MAGI1: variants seen among roughly 807,000 people sequenced by gnomAD.
MAGI1 encodes the protein membrane-associated guanylate kinase, WW and PDZ domain-containing protein 1.
Under a neutral mutation model 139.9 loss-of-function variants are expected in MAGI1, and 58 were observed. The ratio of observed to expected loss-of-function variants is 0.41; its 90% CI spans 0.34 to 0.52. MAGI1 has a LOEUF of 0.52. Ranked by LOEUF, MAGI1 falls within the 20% of genes least tolerant of loss-of-function variation. The pLI is 0.12. For synonymous variants in MAGI1, 812 were observed against 737.9 expected, an observed-to-expected ratio of 1.10 and a Z score of -1.63; for missense variants, 1,874 against 1,901.6, an observed-to-expected ratio of 0.99 and a Z score of 0.27.
At chr3:65,766,985 C>T (rs554187169) in intron 1 of MAGI1, among the ~76,000 whole-genome samples, 9 of 152,234 alleles carry the variant, frequency 5.9e-5, no homozygotes, top group South Asian at 2.1e-4. Context: ...AACAAACTAC[C>T]GTCTTGGGCA....
chr3:65,820,524 T>G (rs2041890308), intron 1 of MAGI1, among the ~76,000 whole-genome samples: 1 of 152,122 alleles, frequency 6.6e-6, no homozygotes, highest in Non-Finnish European at 1.5e-5. Context: ...ACATTAGGCG[T>G]CCTTAATCTT....
intron 1 of MAGI1, among the ~76,000 whole-genome samples, chr3:65,675,565 G>A (rs149069125): frequency 7.2e-5 from 11 of 152,246 alleles, no homozygotes; most frequent in Admixed American, 3.9e-4. Flanking sequence ...GAATTCACCA[G>A]TGTATTAAAA....
At chr3:65,653,278 C>T (rs935843772) in intron 1 of MAGI1, among the ~76,000 whole-genome samples, 3 of 152,128 alleles carry the variant, frequency 2.0e-5, no homozygotes, top group African/African-American at 7.2e-5. Flanking sequence ...TTCCAACACA[C>T]CTTTCACTAC....
Position 65,490,861 on chromosome 3 carries a change from A to AAAAG in MAGI1, c.550+2647_550+2650dup, listed in dbSNP as rs1172131928. On this transcript the variant is annotated intron_variant, in intron 3 of 22. Transcript: ENST00000402939. The stretch of plus-strand genomic sequence containing the variant: ...TCTGTCTCAAAAAAAAAAAAAAGAA[A>AAAAG]AAAGAAAGAAAAATTATGAGCCCTC... Among the ~76,000 whole-genome samples the AAAAG allele has an allele frequency of 6.9e-4, 103 of 149,906 alleles. 1 individual carries two copies. The East Asian group carries it at 0.015, about 22-fold the overall frequency.
At chr3:65,899,568 T>TA (rs1328540398) in intron 1 of MAGI1, among the ~76,000 whole-genome samples, 2 of 152,084 alleles carry the variant, frequency 1.3e-5, no homozygotes, top group African/African-American at 4.8e-5. Context: ...ATAACTGGGA[T>TA]AAAAATCCCT....
intron 5 of MAGI1, among the ~76,000 whole-genome samples, chr3:65,463,484 T>G (rs939333335): frequency 6.6e-6 from 1 of 152,042 alleles, no homozygotes; most frequent in Non-Finnish European, 1.5e-5. Flanking sequence ...CTTTTTAAAG[T>G]GCTGCTGGAT....
chr3:65,570,415 T>A (rs1209810652), intron 2 of MAGI1, among the ~76,000 whole-genome samples: 1 of 123,998 alleles, frequency 8.1e-6, no homozygotes, highest in African/African-American at 3.7e-5. Context: ...CTACAATACT[T>A]CATAAAAAAA....
chr3:65,554,518 AC>A (rs2079996424), intron 2 of MAGI1, among the ~76,000 whole-genome samples: 3 of 152,160 alleles, frequency 2.0e-5, no homozygotes, highest in Non-Finnish European at 2.9e-5. Flanking sequence ...AAGGGTGATC[AC>A]CTCTCTTAAT....
Position 65,579,404 on chromosome 3 carries a change from C to T in MAGI1, c.430+42568G>A, listed in dbSNP as rs140744623. On this transcript the variant is annotated intron_variant, in intron 2 of 22. Transcript: ENST00000402939. Reference sequence around the variant, plus strand: ...TTTCTGTGGTTAAGTGAAGTGATTACCCATGCCCTATGACTACCAGATACA... The same window carrying T: ...TTTCTGTGGTTAAGTGAAGTGATTATCCATGCCCTATGACTACCAGATACA... Among the ~76,000 whole-genome samples, 14 of 152,262 alleles carry T rather than the reference C, an allele frequency of 9.2e-5. No individual in the cohort carries two copies. The East Asian group carries it at 1.7e-3, about 19-fold the overall frequency.
At chr3:65,500,591 C>T (rs2077042591) in intron 2 of MAGI1, among the ~76,000 whole-genome samples, 1 of 152,190 alleles carries the variant, frequency 6.6e-6, no homozygotes, top group African/African-American at 2.4e-5. Flanking sequence ...TCTAGACATT[C>T]TCTTGAAATA....
intron 1 of MAGI1, among the ~76,000 whole-genome samples, chr3:65,903,890 C>T (rs1040022950): frequency 6.6e-6 from 1 of 151,962 alleles, no homozygotes; most frequent in African/African-American, 2.4e-5. Flanking sequence ...CACCTGTAGT[C>T]CCAGTTTCTT....
chr3:65,464,029 C>G (rs919936307), intron 5 of MAGI1, among the ~76,000 whole-genome samples: 9 of 152,008 alleles, frequency 5.9e-5, no homozygotes, highest in Non-Finnish European at 1.0e-4. Flanking sequence ...CAGGGATGCC[C>G]TGGCCAGAGA....
chr3:66,018,040 C>T (rs931707250), intron 1 of MAGI1, among the ~76,000 whole-genome samples: 7 of 143,520 alleles, frequency 4.9e-5, no homozygotes, highest in South Asian at 4.3e-4. Context: ...GTCAGAGATG[C>T]GGTCCACAAT....
chr3:65,927,686 G>A (rs1576100344), intron 1 of MAGI1, among the ~76,000 whole-genome samples: 1 of 152,138 alleles, frequency 6.6e-6, no homozygotes, highest in African/African-American at 2.4e-5. Flanking sequence ...GGAAAACCTG[G>A]CTTGGCTGGC....
chr3:65,473,161 C>A (rs1269980640), intron 4 of MAGI1, among the ~76,000 whole-genome samples: 1 of 152,160 alleles, frequency 6.6e-6, no homozygotes, highest in African/African-American at 2.4e-5. Context: ...GTACCTCTAT[C>A]TTCATCAAAA....
intron 1 of MAGI1, among the ~76,000 whole-genome samples, chr3:65,643,369 CA>C (rs2085085834): frequency 6.6e-6 from 1 of 152,200 alleles, no homozygotes; most frequent in East Asian, 1.9e-4. Context: ...ATAGTCAAGT[CA>C]ATGTCTCATT....
At chr3:65,447,898 T>A (rs1345745162) in intron 7 of MAGI1, 124 bp downstream of exon 7, 9 of 1,123,410 alleles carry the variant, frequency 8.0e-6, no homozygotes, top group Non-Finnish European at 1.1e-5. Flanking sequence ...TAAGCTAGAA[T>A]GAAAATCATA....
intron 1 of MAGI1, among the ~76,000 whole-genome samples, chr3:65,817,446 C>T (rs534477613): frequency 6.6e-5 from 10 of 152,194 alleles, no homozygotes; most frequent in South Asian, 2.1e-4. Flanking sequence ...TGCCTTTATA[C>T]GCAGTAATAC....
intron 1 of MAGI1, among the ~76,000 whole-genome samples, chr3:65,796,777 T>TAG (rs1212283668): frequency 6.6e-6 from 1 of 152,244 alleles, no homozygotes; most frequent in African/African-American, 2.4e-5. Flanking sequence ...ATATGCTCTC[T>TAG]ACCCTAACCT....
Sources: allele counts gnomAD v4.1 joint callset (sites outside exome capture counted in the v4.1 genomes callset), GRCh38; gene constraint gnomAD v4.1.1; transcripts MANE v1.5; gene names NCBI Gene and HGNC (gene_info 2026-07-23, HGNC 2026-07-21).